The following PHACTR1 variants were observed in gnomAD, a reference collection of about 807,000 sequenced individuals.
The protein encoded by PHACTR1 is RPEL repeat containing 1.
PHACTR1 carries 16 observed loss-of-function variants against 69.2 expected under a neutral mutation model. That is an observed-to-expected ratio of 0.23 (90% CI 0.16 to 0.35). PHACTR1 has a LOEUF of 0.35. PHACTR1 is among the 10% of genes least tolerant of loss of function. PHACTR1 has a pLI of 1.00. For synonymous variants in PHACTR1, 312 were observed against 284.5 expected (o/e 1.10, Z -0.97); for missense variants, 510 against 734.7 (o/e 0.69, Z 3.54).
At chr6:12,885,794 A>G (rs1271542201) in intron 4 of PHACTR1, among the ~76,000 whole-genome samples, 1 of 152,168 alleles carries the variant, frequency 6.6e-6, no homozygotes. Context: ...ACAATTGTCC[A>G]TTTAAACCCT....
At chr6:13,212,917 G>A (rs1021499215) in intron 8 of PHACTR1, among the ~76,000 whole-genome samples, 6 of 152,136 alleles carry the variant, frequency 3.9e-5, no homozygotes, top group Admixed American at 3.9e-4. Flanking sequence ...CTGTTCCCCA[G>A]CTCCTTTTAT....
At chr6:13,013,714 G>A (rs1245679836) in intron 4 of PHACTR1, among the ~76,000 whole-genome samples, 1 of 151,400 alleles carries the variant, frequency 6.6e-6, no homozygotes, top group Non-Finnish European at 1.5e-5. Context: ...GGGGCAGCGA[G>A]GTCGGCGAGG....
intron 4 of PHACTR1, among the ~76,000 whole-genome samples, chr6:12,977,407 A>C (rs1434243721): frequency 6.7e-6 from 1 of 150,092 alleles, no homozygotes; most frequent in Non-Finnish European, 1.5e-5. Flanking sequence ...CACACACACA[A>C]CACATTTAAA....
Position 13,287,819 on chromosome 6 carries a change from A to G in PHACTR1, c.*741A>G, listed in dbSNP as rs911984190. 4 of 153,822 alleles carry G rather than the reference A, an allele frequency of 2.6e-5. No individual in the cohort carries two copies. Among genetic ancestry groups the G allele is most frequent in the African/African-American group, 9.6e-5 (4 of 41,464 alleles). The allele number at this position is 153,822 out of a possible 1,614,324, so 9.5% of individuals were successfully genotyped here. ...GGAAAGATGTCATATGCTCAGTTCAAATAATCAACCCAACTGTGTCCAGAG... is the reference window on the plus strand; with the variant it reads ...GGAAAGATGTCATATGCTCAGTTCAGATAATCAACCCAACTGTGTCCAGAG... On this transcript the variant is annotated 3_prime_UTR_variant, in exon 15 of 15. Coordinates refer to ENST00000332995, the MANE Select transcript of PHACTR1 (RefSeq NM_030948.6).
intron 5 of PHACTR1, among the ~76,000 whole-genome samples, chr6:13,087,310 C>T (rs1017327438): frequency 1.3e-5 from 2 of 151,012 alleles, no homozygotes; most frequent in Admixed American, 6.6e-5. Flanking sequence ...ACCAAACCAT[C>T]GAGGAAAAAC....
In PHACTR1 at chr6:13,075,453, G is replaced by T. The variant is rs550146248; in HGVS notation, c.415+21924G>T. On this transcript the variant is annotated intron_variant, in intron 5 of 14. Coordinates refer to ENST00000332995, the MANE Select transcript of PHACTR1 (RefSeq NM_030948.6). ...GAGTAAGGTCTTTGTAATGACCCTG[G>T]TACTGTTGCTTGTTACTGACTTGAG... Among the ~76,000 whole-genome samples the T allele has an allele frequency of 1.4e-3, 210 of 152,240 alleles. 1 individual carries two copies. The highest frequency in any genetic ancestry group is 2.1e-3 in the East Asian group (11 of 5,180).
At chr6:12,859,218 A>G (rs944541505) in intron 4 of PHACTR1, among the ~76,000 whole-genome samples, 1 of 152,212 alleles carries the variant, frequency 6.6e-6, no homozygotes, top group South Asian at 2.1e-4. Context: ...GGCTGGTTTT[A>G]AACCCTACTA....
At position 13,246,751 on chromosome 6, in the gene PHACTR1, G is replaced by A. The variant is rs1218972554; in HGVS notation, c.1391+16558G>A. Among the ~76,000 whole-genome samples the A allele has an allele frequency of 6.6e-6, 1 of 152,200 alleles. No homozygotes were observed. The highest frequency in any genetic ancestry group is 6.5e-5 in the Admixed American group (1 of 15,282). On this transcript the variant is annotated intron_variant, in intron 10 of 14. Coordinates refer to ENST00000332995, the MANE Select transcript of PHACTR1 (RefSeq NM_030948.6). The surrounding 1 kb of genome is among the most constrained non-coding windows in gnomAD (Gnocchi z 4.2). Reference sequence around the variant, plus strand: ...CATGGACCTGAATATTTAAAGAGCAGAACGAGATTACAACTGAGAAATTTG... The same window carrying A: ...CATGGACCTGAATATTTAAAGAGCAAAACGAGATTACAACTGAGAAATTTG...
chr6:13,009,481 C>T (rs2127641620), intron 4 of PHACTR1, among the ~76,000 whole-genome samples: 1 of 152,070 alleles, frequency 6.6e-6, no homozygotes, highest in African/African-American at 2.4e-5. Context: ...CTGTGTTGAC[C>T]TTAATATTTT....
At chr6:12,862,729 T>C (rs1253910618) in intron 4 of PHACTR1, among the ~76,000 whole-genome samples, 1 of 152,214 alleles carries the variant, frequency 6.6e-6, no homozygotes, top group Non-Finnish European at 1.5e-5. Flanking sequence ...GCACATCTTC[T>C]CTGATGTGTG....
At chr6:13,096,190 T>G (rs921343364) in intron 5 of PHACTR1, among the ~76,000 whole-genome samples, 3 of 152,142 alleles carry the variant, frequency 2.0e-5, no homozygotes, top group African/African-American at 7.2e-5. Flanking sequence ...AACAACAGAC[T>G]TTTCTGGATA....
At chr6:12,834,418 T>A (rs1363472910) in intron 4 of PHACTR1, among the ~76,000 whole-genome samples, 1 of 152,152 alleles carries the variant, frequency 6.6e-6, no homozygotes, top group Non-Finnish European at 1.5e-5. Flanking sequence ...TTCTGCAGAT[T>A]GGGTAGAGTT....
chr6:12,869,283 A>G (rs1781782788), intron 4 of PHACTR1, among the ~76,000 whole-genome samples: 1 of 151,782 alleles, frequency 6.6e-6, no homozygotes, highest in South Asian at 2.1e-4. Context: ...GTCCAACCCT[A>G]TTTCCCACCC....
chr6:13,281,034 AGCACTTGTGCT>A (rs1211999481), intron 12 of PHACTR1: 15 of 1,289,508 alleles, frequency 1.2e-5, no homozygotes, highest in Non-Finnish European at 1.5e-5. Flanking sequence ...ATTCCCTCTG[AGCACTTGTGCT>A]CTATGCTGTC....
intron 10 of PHACTR1, 190 bp from the exon 11 acceptor site, chr6:13,272,670 A>T (rs1346995127): frequency 2.0e-6 from 3 of 1,494,056 alleles, no homozygotes; most frequent in Non-Finnish European, 2.7e-6. Flanking sequence ...GACATGACGC[A>T]CGTGCCTCTC....
chr6:12,817,306 C>G (rs1010111119), intron 4 of PHACTR1, among the ~76,000 whole-genome samples: 1 of 152,122 alleles, frequency 6.6e-6, no homozygotes, highest in Non-Finnish European at 1.5e-5. Context: ...TTTCTGGTAA[C>G]TTTTACTCCT....
At chr6:12,780,962 C>T (rs1770747472) in intron 4 of PHACTR1, among the ~76,000 whole-genome samples, 1 of 152,138 alleles carries the variant, frequency 6.6e-6, no homozygotes, top group Admixed American at 6.5e-5. Context: ...TCTCTTTCCC[C>T]TTCAGCTACC....
rs115925343 is a variant in PHACTR1 at position 13,287,126 on chromosome 6, A to G, written c.*48A>G. ...TATGCTGTCTTCAAAACATAAATTT[A>G]TAAGAACCATAAGTGCTGGTATTTA... On this transcript the variant is annotated 3_prime_UTR_variant, in exon 15 of 15. Coordinates refer to ENST00000332995, the MANE Select transcript of PHACTR1 (RefSeq NM_030948.6). 76 of 1,519,124 alleles carry G rather than the reference A, an allele frequency of 5.0e-5. No homozygotes were observed. The highest frequency in any genetic ancestry group is 1.8e-4 in the East Asian group (8 of 43,726). 94.1% of individuals were successfully genotyped at this position (1,519,124 alleles called of 1,614,324 possible).
chr6:12,810,983 C>T (rs1774950734), intron 4 of PHACTR1, among the ~76,000 whole-genome samples: 1 of 152,194 alleles, frequency 6.6e-6, no homozygotes, highest in Non-Finnish European at 1.5e-5. Context: ...TGTCAGTTGC[C>T]TGTCCTCACT....
Sources: gnomAD v4.1 joint callset for allele counts (sites outside exome capture counted in the v4.1 genomes callset) on GRCh38, gnomAD v4.1.1 for gene constraint, Gnocchi (gnomAD v3.1) non-coding constraint, MANE v1.5 for transcripts, NCBI Gene and HGNC (gene_info 2026-07-23, HGNC 2026-07-21) for gene names.